The following ZFHX3 variants were observed in gnomAD, a reference collection of about 807,000 sequenced individuals.
The protein encoded by ZFHX3 is zinc finger homeobox 3.
In ZFHX3, 42 loss-of-function variants were observed where a neutral mutation model predicts 279.1. The observed-to-expected ratio is 0.15, with a 90% confidence interval of 0.12 to 0.19. ZFHX3 has a LOEUF of 0.19. ZFHX3 is among the 10% of genes least tolerant of loss of function. The pLI, the probability that ZFHX3 is intolerant of heterozygous loss-of-function variation, is 1.00. For synonymous variants in ZFHX3, 2,293 were observed against 1,957.8 expected (o/e 1.17, Z -4.52); for missense variants, 4,981 against 4,754.0 (o/e 1.05, Z -1.40).
At chr16:73,552,395 T>C (rs2020216094) in intron 2 of ZFHX3, among the ~76,000 whole-genome samples, 1 of 152,186 alleles carries the variant, frequency 6.6e-6, no homozygotes, top group Non-Finnish European at 1.5e-5. Flanking sequence ...AGCCATAAAA[T>C]CCATATTGAC....
At chr16:73,847,900 G>A (rs1961489372) in intron 1 of ZFHX3, among the ~76,000 whole-genome samples, 1 of 144,382 alleles carries the variant, frequency 6.9e-6, no homozygotes, top group Admixed American at 6.9e-5. Flanking sequence ...ACTATGCCTG[G>A]CTAGTTTTTT....
chr16:73,038,338 C>A (rs1377014291), intron 1 of ZFHX3, among the ~76,000 whole-genome samples: 1 of 152,214 alleles, frequency 6.6e-6, no homozygotes, highest in African/African-American at 2.4e-5. Context: ...TCAGAATCCG[C>A]TTCTCAGCTG....
chr16:73,167,397 A>G (rs751329474), intron 5 of ZFHX3, among the ~76,000 whole-genome samples: 10 of 152,262 alleles, frequency 6.6e-5, no homozygotes, highest in Non-Finnish European at 1.2e-4. Context: ...ATAACAGTCC[A>G]CATCCTCAGA....
At chr16:73,758,964 G>A (rs2053837412) in intron 1 of ZFHX3, among the ~76,000 whole-genome samples, 1 of 152,186 alleles carries the variant, frequency 6.6e-6, no homozygotes, top group East Asian at 1.9e-4. Flanking sequence ...AGATGTGGGT[G>A]GTGCATGGGC....
intron 4 of ZFHX3, among the ~76,000 whole-genome samples, chr16:73,312,643 C>T (rs1049513505): frequency 6.6e-5 from 10 of 152,154 alleles, no homozygotes; most frequent in African/African-American, 1.7e-4. Context: ...AGGAATGGTG[C>T]CAAATGCTTC....
intron 1 of ZFHX3, among the ~76,000 whole-genome samples, chr16:73,870,603 G>T (rs538177756): frequency 5.9e-5 from 9 of 152,242 alleles, no homozygotes; most frequent in South Asian, 4.2e-4. Context: ...CATTTGCAAA[G>T]CGTCTGAGAG....
At chr16:73,531,252 T>C (rs568496502) in intron 2 of ZFHX3, among the ~76,000 whole-genome samples, 14 of 152,324 alleles carry the variant, frequency 9.2e-5, no homozygotes, top group African/African-American at 2.6e-4. Context: ...GCTCAGTATG[T>C]CCAGATGATT....
chr16:72,808,959 C>T (rs1285380297), intron 7 of ZFHX3, among the ~76,000 whole-genome samples: 1 of 152,152 alleles, frequency 6.6e-6, no homozygotes, highest in African/African-American at 2.4e-5. Flanking sequence ...TCACTGCTTC[C>T]AAAGGTGCTA....
intron 3 of ZFHX3, among the ~76,000 whole-genome samples, chr16:72,898,245 A>C (rs2038946931): frequency 6.6e-6 from 1 of 152,298 alleles, no homozygotes; most frequent in East Asian, 1.9e-4. Context: ...ATAAGATAGA[A>C]GCCCCAACCA....
intron 1 of ZFHX3, among the ~76,000 whole-genome samples, chr16:72,967,949 A>G (rs1961926462): frequency 6.6e-6 from 1 of 151,098 alleles, no homozygotes; most frequent in Admixed American, 6.6e-5. Flanking sequence ...AAAAGTTTGA[A>G]TACTAACAGG....
chr16:73,354,123 C>T (rs1162445095), intron 3 of ZFHX3, among the ~76,000 whole-genome samples: 1 of 152,062 alleles, frequency 6.6e-6, no homozygotes, highest in African/African-American at 2.4e-5. Flanking sequence ...ATCTGAATTC[C>T]AAAGAAACCC....
At chr16:72,884,262 G>A (rs1228016016) in intron 4 of ZFHX3, among the ~76,000 whole-genome samples, 1 of 152,180 alleles carries the variant, frequency 6.6e-6, no homozygotes, top group Non-Finnish European at 1.5e-5. Flanking sequence ...TTGGCAAGCT[G>A]TGTGCACCTC....
intron 5 of ZFHX3, among the ~76,000 whole-genome samples, chr16:73,247,384 T>C (rs1011984270): frequency 3.3e-5 from 5 of 152,020 alleles, no homozygotes; most frequent in Non-Finnish European, 5.9e-5. Context: ...ATGTGGAGTA[T>C]ACGCGTGTGT....
intron 3 of ZFHX3, among the ~76,000 whole-genome samples, chr16:72,919,242 T>C (rs573174864): frequency 2.6e-5 from 4 of 152,058 alleles, no homozygotes; most frequent in South Asian, 4.1e-4. Context: ...CACTGCAGCC[T>C]GGAACTCCCA....
chr16:73,158,947 T>G (rs1195503103), intron 5 of ZFHX3, among the ~76,000 whole-genome samples: 1 of 152,180 alleles, frequency 6.6e-6, no homozygotes, highest in Admixed American at 6.5e-5. Flanking sequence ...ATTAAAGACT[T>G]AAATGTAAAA....
chr16:72,971,041 T>C (rs949512322), intron 1 of ZFHX3, among the ~76,000 whole-genome samples: 2 of 152,204 alleles, frequency 1.3e-5, no homozygotes, highest in African/African-American at 4.8e-5. Context: ...TTCGGGCTTT[T>C]TTCCTCTGCA....
At chr16:73,852,320 A>T (rs1961612418) in intron 1 of ZFHX3, among the ~76,000 whole-genome samples, 1 of 152,184 alleles carries the variant, frequency 6.6e-6, no homozygotes, top group Non-Finnish European at 1.5e-5. Flanking sequence ...GAGTCTACTC[A>T]CAGGTGTAGG....
At chr16:73,624,794 C>T (rs1231978408) in intron 2 of ZFHX3, among the ~76,000 whole-genome samples, 1 of 152,164 alleles carries the variant, frequency 6.6e-6, no homozygotes, top group Admixed American at 6.5e-5. Flanking sequence ...GTTAATGTGC[C>T]TCCGCTTTCC....
chr16:72,795,708 T>G lies in ZFHX3; in HGVS notation c.6974A>C (p.Asn2325Thr), dbSNP rs1391120794. The change falls in exon 9 of 10, where the codon AAC becomes ACC. Residue 2325 changes from asparagine (N) to threonine (T), a missense_variant. Physicochemically the swap from Asn to Thr is moderately conservative, Grantham distance 65. Coordinates refer to ENST00000268489, the MANE Select transcript of ZFHX3 (RefSeq NM_006885.4). ...LTNDRYIRTS[N>T]LNYQCKKCSL... Reference sequence around the variant, plus strand: ...ACATTTTTTGCACTGGTAGTTCAAGTTGCTTGTTCGAATGTATCTATCATT... The same window carrying G: ...ACATTTTTTGCACTGGTAGTTCAAGGTGCTTGTTCGAATGTATCTATCATT... The G allele has an allele frequency of 5.0e-6, 8 of 1,614,060 alleles. No homozygotes were observed. The African/African-American group carries it at 6.7e-5, about 13-fold the overall frequency.
Sources: allele counts gnomAD v4.1 joint callset (sites outside exome capture counted in the v4.1 genomes callset), GRCh38; gene constraint gnomAD v4.1.1; transcripts MANE v1.5; gene names NCBI Gene and HGNC (gene_info 2026-07-23, HGNC 2026-07-21).